The following MDGA2 variants were observed in gnomAD, a reference collection of about 807,000 sequenced individuals.
MDGA2 encodes the protein MAM domain-containing glycosylphosphatidylinositol anchor protein 2.
In MDGA2, 40 loss-of-function variants were observed where a neutral mutation model predicts 117.8. The observed-to-expected ratio is 0.34, with a 90% CI of 0.26 to 0.44. The LOEUF is 0.44. Among genes scored for constraint, MDGA2 ranks in the 20% least tolerant of loss-of-function variants. The pLI is 1.00. For missense variants in MDGA2, 1,123 were observed against 1,250.6 expected, an observed-to-expected ratio of 0.90 and a Z score of 1.54; for synonymous variants, 452 against 439.0, an observed-to-expected ratio of 1.03 and a Z score of -0.37.
intron 1 of MDGA2, among the ~76,000 whole-genome samples, chr14:47,550,847 G>A (rs551166614): frequency 2.0e-5 from 3 of 152,140 alleles, no homozygotes; most frequent in East Asian, 1.9e-4. Flanking sequence ...TTTGATAACC[G>A]GGTAACACAC....
At chr14:47,116,434 A>C (rs753214411) in intron 5 of MDGA2, among the ~76,000 whole-genome samples, 3 of 152,140 alleles carry the variant, frequency 2.0e-5, no homozygotes. Context: ...ATGGAACCAC[A>C]AAAACCACAA....
intron 1 of MDGA2, among the ~76,000 whole-genome samples, chr14:47,305,672 T>C (rs886296408): frequency 2.6e-5 from 4 of 152,168 alleles, no homozygotes; most frequent in Non-Finnish European, 5.9e-5. Context: ...GCAGCTGCTA[T>C]AGCAGGCATG....
intron 3 of MDGA2, among the ~76,000 whole-genome samples, chr14:47,161,972 G>GTTTTTTTTTTTTT (rs1883658068): frequency 2.7e-5 from 1 of 37,172 alleles, no homozygotes; most frequent in Non-Finnish European, 4.8e-5. Flanking sequence ...TTTTTGAGGA[G>GTTTTTTTTTTTTT]TCTTGTTCTG....
chr14:47,357,907 C>T (rs949776565), intron 1 of MDGA2, among the ~76,000 whole-genome samples: 1 of 152,160 alleles, frequency 6.6e-6, no homozygotes, highest in African/African-American at 2.4e-5. Context: ...GAAGTAGTTA[C>T]AGACCAATGA....
intron 3 of MDGA2, among the ~76,000 whole-genome samples, chr14:47,177,557 A>G (rs1273212741): frequency 1.3e-5 from 2 of 152,172 alleles, no homozygotes; most frequent in South Asian, 2.1e-4. Context: ...AAGGACAAAA[A>G]TCAAACACCG....
At chr14:47,231,964 G>A (rs766235033) in intron 2 of MDGA2, among the ~76,000 whole-genome samples, 18 of 152,000 alleles carry the variant, frequency 1.2e-4, no homozygotes, top group Non-Finnish European at 2.5e-4. Flanking sequence ...ATGGGTTATG[G>A]GGGTAGATGG....
At chr14:47,606,177 T>C (rs1342703064) in intron 1 of MDGA2, among the ~76,000 whole-genome samples, 1 of 152,218 alleles carries the variant, frequency 6.6e-6, no homozygotes, top group African/African-American at 2.4e-5. Flanking sequence ...TTCCTTTCCA[T>C]ACTCACTATT....
At chr14:47,513,120 T>C (rs992400206) in intron 1 of MDGA2, among the ~76,000 whole-genome samples, 2 of 152,126 alleles carry the variant, frequency 1.3e-5, no homozygotes, top group Non-Finnish European at 2.9e-5. Flanking sequence ...TGATGACTTT[T>C]ACAGAAACAA....
Position 47,276,628 on chromosome 14 carries a change from A to G in MDGA2, c.420+24783T>C, listed in dbSNP as rs149635639. ...CTCTGATAAAAAAAATTCCAATTAA[A>G]AAAGACACTAGCAAAGAAACAAATT... On this transcript the variant is annotated intron_variant, in intron 2 of 16. Coordinates refer to ENST00000399232, the MANE Select transcript of MDGA2 (RefSeq NM_001113498.3). Among the ~76,000 whole-genome samples the G allele has an allele frequency of 1.3e-3, 196 of 152,316 alleles. 1 individual carries two copies. Among genetic ancestry groups the G allele is most frequent in the African/African-American group, 4.5e-3 (187 of 41,572 alleles).
intron 3 of MDGA2, chr14:47,200,937 C>T (rs183496538): frequency 3.6e-6 from 3 of 827,658 alleles, no homozygotes; most frequent in Non-Finnish European, 4.3e-6. Flanking sequence ...AAGCCTCGCT[C>T]GGTCCGAACT....
chr14:47,242,540 G>A lies in MDGA2; in HGVS notation c.421-24345C>T, dbSNP rs777582356. 4.5e-4 allele frequency among the ~76,000 whole-genome samples: 69 copies of A among 151,966 alleles called. 3 individuals carry two copies. Among genetic ancestry groups the A allele is most frequent in the Non-Finnish European group, 7.4e-4 (50 of 67,816 alleles). On this transcript the variant is annotated intron_variant, in intron 2 of 16. Coordinates refer to ENST00000399232, the MANE Select transcript of MDGA2 (RefSeq NM_001113498.3). The stretch of plus-strand genomic sequence containing the variant: ...CTTGGTGGGCCCCGCACTTGGAGCA[G>A]CCAGCCAGTCCTGCTGGCCCCGGGC...
chr14:46,984,894 T>C, intron 8 of MDGA2, among the ~76,000 whole-genome samples: 1 of 152,098 alleles, frequency 6.6e-6, no homozygotes, highest in Admixed American at 6.6e-5. Context: ...TCATTCTAAA[T>C]TATACTTAAT....
chr14:47,363,329 C>G (rs1451186967), intron 1 of MDGA2, among the ~76,000 whole-genome samples: 2 of 152,130 alleles, frequency 1.3e-5, no homozygotes, highest in African/African-American at 4.8e-5. Context: ...ACGATCTCAG[C>G]TCACTGCAAC....
rs570234439 is a variant in MDGA2, at chr14:47,228,702, C to T, written c.421-10507G>A. 2.6e-5 allele frequency among the ~76,000 whole-genome samples: 4 copies of T among 152,080 alleles called. No homozygotes were observed. The South Asian group carries it at 8.3e-4, about 32-fold the overall frequency. Reference sequence around the variant, plus strand: ...TGTATAGTAATATTCATGACTATGACATATTATAATGAAAGAAGGCAAAGC... The same window carrying T: ...TGTATAGTAATATTCATGACTATGATATATTATAATGAAAGAAGGCAAAGC... On this transcript the variant is annotated intron_variant, in intron 2 of 16. Transcript: ENST00000399232.
rs144849657 is a variant in MDGA2 at position 46,970,564 on chromosome 14, T to C, written c.1820-12921A>G. Among the ~76,000 whole-genome samples, 210 of 152,220 alleles carry C rather than the reference T, an allele frequency of 1.4e-3. 1 individual carries two copies. The highest frequency in any genetic ancestry group is 4.8e-3 in the African/African-American group (201 of 41,546). On this transcript the variant is annotated intron_variant, in intron 8 of 16. Coordinates refer to ENST00000399232, the MANE Select transcript of MDGA2 (RefSeq NM_001113498.3). The stretch of plus-strand genomic sequence containing the variant: ...AAACCCAAGATGGAATAAAGACTTA[T>C]ATGTAAAATTTAAAACTATAAAGCC...
intron 5 of MDGA2, among the ~76,000 whole-genome samples, chr14:47,129,430 T>C (rs1882080879): frequency 6.6e-6 from 1 of 152,136 alleles, no homozygotes; most frequent in African/African-American, 2.4e-5. Context: ...CTCATCCTTT[T>C]TTATGGCTGC....
At chr14:47,362,920 T>C (rs961426668) in intron 1 of MDGA2, among the ~76,000 whole-genome samples, 1 of 152,186 alleles carries the variant, frequency 6.6e-6, no homozygotes, top group African/African-American at 2.4e-5. Context: ...TAGAAATGCT[T>C]GATAGTTTTT....
At chr14:47,435,323 C>T (rs1207214934) in intron 1 of MDGA2, among the ~76,000 whole-genome samples, 2 of 152,076 alleles carry the variant, frequency 1.3e-5, no homozygotes, top group African/African-American at 4.8e-5. Context: ...TTCTGCCAGA[C>T]ATTAAAATGC....
chr14:47,331,473 T>G (rs1394626557), intron 1 of MDGA2, among the ~76,000 whole-genome samples: 1 of 151,986 alleles, frequency 6.6e-6, no homozygotes, highest in East Asian at 1.9e-4. Flanking sequence ...GTAGTTAGTT[T>G]AGCTTATACA....
Sources: allele counts gnomAD v4.1 joint callset (sites outside exome capture counted in the v4.1 genomes callset), GRCh38; gene constraint gnomAD v4.1.1; transcripts MANE v1.5; gene names NCBI Gene and HGNC (gene_info 2026-07-23, HGNC 2026-07-21).